The following DLG2 variants were observed in gnomAD, a reference collection of about 807,000 sequenced individuals.
DLG2 encodes the protein disks large homolog 2.
A neutral mutation model predicts 132.5 loss-of-function variants in DLG2; 45 were observed. The observed-to-expected ratio is 0.34, with a 90% CI of 0.27 to 0.44. The LOEUF is 0.44. DLG2 is among the 20% of genes least tolerant of loss of function. The probability of loss-of-function intolerance (pLI) is 1.00; values close to 1 mark genes in which losing one functional copy is unlikely to be tolerated. For missense variants in DLG2, 1,045 were observed against 1,196.9 expected (o/e 0.87, Z 1.87); for synonymous variants, 424 against 419.6 (o/e 1.01, Z -0.13).
intron 6 of DLG2, among the ~76,000 whole-genome samples, chr11:85,027,336 T>G (rs2060623613): frequency 6.6e-6 from 1 of 152,192 alleles, no homozygotes; most frequent in Admixed American, 6.5e-5. Context: ...CGATTTTTTT[T>G]GTTTCCCTTT....
chr11:84,823,894 A>C (rs2078017603), intron 6 of DLG2, among the ~76,000 whole-genome samples: 1 of 151,894 alleles, frequency 6.6e-6, no homozygotes, highest in Non-Finnish European at 1.5e-5. Flanking sequence ...ATAAGATATA[A>C]AAATATAAAA....
At chr11:84,676,742 C>T (rs565944706) in intron 6 of DLG2, among the ~76,000 whole-genome samples, 3 of 152,052 alleles carry the variant, frequency 2.0e-5, no homozygotes, top group East Asian at 3.9e-4. Context: ...GAGGTGACAG[C>T]CATCAATATA....
intron 18 of DLG2, among the ~76,000 whole-genome samples, chr11:83,762,581 A>T (rs2093954673): frequency 6.7e-6 from 1 of 149,776 alleles, no homozygotes; most frequent in Non-Finnish European, 1.5e-5. Context: ...ATTAAGTATT[A>T]ATTTTTTTTT....
chr11:85,404,833 A>T (rs1055023599), intron 3 of DLG2, among the ~76,000 whole-genome samples: 17 of 151,974 alleles, frequency 1.1e-4, no homozygotes, highest in Non-Finnish European at 1.9e-4. Context: ...ATTCTATCAT[A>T]ACGTATCACA....
intron 6 of DLG2, among the ~76,000 whole-genome samples, chr11:84,628,954 C>T (rs1179285977): frequency 2.0e-5 from 3 of 152,150 alleles, no homozygotes; most frequent in Non-Finnish European, 4.4e-5. Flanking sequence ...CCAGTATTCT[C>T]CAGCACACTA....
At chr11:84,436,600 G>T (rs2099001535) in intron 7 of DLG2, among the ~76,000 whole-genome samples, 1 of 152,006 alleles carries the variant, frequency 6.6e-6, no homozygotes, top group South Asian at 2.1e-4. Flanking sequence ...AAATATGACA[G>T]TTTGGACAGT....
chr11:85,029,742 A>G (rs986735145), intron 6 of DLG2, among the ~76,000 whole-genome samples: 2 of 152,200 alleles, frequency 1.3e-5, no homozygotes, highest in African/African-American at 2.4e-5. Context: ...ACTTCTGCCA[A>G]TCACTGAGTT....
chr11:83,872,298 T>C (rs1430694225), intron 16 of DLG2, among the ~76,000 whole-genome samples: 4 of 152,296 alleles, frequency 2.6e-5, no homozygotes, highest in South Asian at 4.1e-4. Flanking sequence ...TTTTCCCTTT[T>C]AGCTGTTGAG....
intron 6 of DLG2, among the ~76,000 whole-genome samples, chr11:84,969,173 A>G (rs1015596524): frequency 6.6e-6 from 1 of 152,158 alleles, no homozygotes; most frequent in African/African-American, 2.4e-5. Flanking sequence ...TTGGCTCATG[A>G]ACCAAAGTTA....
At chr11:83,478,759 A>C (rs1159843653) in intron 22 of DLG2, among the ~76,000 whole-genome samples, 2 of 152,044 alleles carry the variant, frequency 1.3e-5, no homozygotes, top group Admixed American at 1.3e-4. Context: ...TGGAAGCACA[A>C]CACTTGAAAA....
At chr11:84,001,808 C>T (rs1198942097) in intron 11 of DLG2, among the ~76,000 whole-genome samples, 2 of 152,046 alleles carry the variant, frequency 1.3e-5, no homozygotes, top group Admixed American at 1.3e-4. Context: ...TATACAAGTA[C>T]ATGGAAATTA....
At chr11:84,770,052 G>A (rs560651117) in intron 6 of DLG2, among the ~76,000 whole-genome samples, 1 of 152,154 alleles carries the variant, frequency 6.6e-6, no homozygotes, top group Non-Finnish European at 1.5e-5. Flanking sequence ...AGATGTGTGG[G>A]TTATGGAGGT....
At chr11:85,169,574 T>C (rs1010869691) in intron 4 of DLG2, among the ~76,000 whole-genome samples, 43 of 152,138 alleles carry the variant, frequency 2.8e-4, no homozygotes, top group Admixed American at 8.5e-4. Context: ...GGAGAGTTGA[T>C]TGGGCCCAAA....
At chr11:84,679,038 T>C (rs1200962536) in intron 6 of DLG2, among the ~76,000 whole-genome samples, 1 of 152,050 alleles carries the variant, frequency 6.6e-6, no homozygotes, top group Non-Finnish European at 1.5e-5. Context: ...CAAATGGCTG[T>C]TAAGTTCAAG....
In DLG2 at chr11:83,883,974, G is replaced by A. The variant is rs190979517; in HGVS notation, c.1497-9486C>T. ...TAGAGCTGGTGGAGCCAAGATGGCC[G>A]AATAGGAACAGCTCCGGTCTACAGC... On this transcript the variant is annotated intron_variant, in intron 15 of 27. Transcript: ENST00000376104. 1.7e-4 allele frequency among the ~76,000 whole-genome samples: 25 copies of A among 146,516 alleles called. 1 individual carries two copies. The highest frequency in any genetic ancestry group is 4.7e-4 in the Admixed American group (7 of 14,866).
intron 3 of DLG2, among the ~76,000 whole-genome samples, chr11:85,581,741 T>C (rs1488425362): frequency 6.6e-6 from 1 of 152,220 alleles, no homozygotes; most frequent in Non-Finnish European, 1.5e-5. Flanking sequence ...AGACCATTTG[T>C]TCACTTTAAT....
chr11:85,228,364 A>T (rs532777179), intron 4 of DLG2, among the ~76,000 whole-genome samples: 1 of 152,270 alleles, frequency 6.6e-6, no homozygotes, highest in South Asian at 2.1e-4. Context: ...AGTATTTCAC[A>T]TGATAGAAAT....
At chr11:85,323,901 G>C (rs1330131835) in intron 3 of DLG2, among the ~76,000 whole-genome samples, 5 of 152,068 alleles carry the variant, frequency 3.3e-5, no homozygotes, top group African/African-American at 9.7e-5. Flanking sequence ...CCATTAATCT[G>C]TTGATGGACA....
At chr11:85,437,392 A>G (rs2091546673) in intron 3 of DLG2, among the ~76,000 whole-genome samples, 1 of 152,168 alleles carries the variant, frequency 6.6e-6, no homozygotes, top group Admixed American at 6.5e-5. Flanking sequence ...TCATACATTG[A>G]CTGCCAAAAA....
Sources: gnomAD v4.1 joint callset for allele counts (sites outside exome capture counted in the v4.1 genomes callset) on GRCh38, gnomAD v4.1.1 for gene constraint, MANE v1.5 for transcripts, NCBI Gene and HGNC (gene_info 2026-07-23, HGNC 2026-07-21) for gene names.